The following NSUN3 variants were observed in gnomAD, a reference collection of about 807,000 sequenced individuals.
NSUN3 encodes the protein NOP2/Sun RNA methyltransferase 3, also known as tRNA (cytosine(34)-C(5))-methyltransferase, mitochondrial.
NSUN3 carries 24 observed loss-of-function variants against 36.8 expected under a neutral mutation model. The observed-to-expected ratio is 0.65, with a 90% CI of 0.47 to 0.92. NSUN3 has a LOEUF of 0.92. Among genes scored for constraint, NSUN3 ranks in the 40% least tolerant of loss-of-function variants. NSUN3 has a pLI of 0.00. For synonymous variants in NSUN3, 146 were observed against 145.2 expected (o/e 1.01, Z -0.04); for missense variants, 381 against 392.8 (o/e 0.97, Z 0.25).
intron 3 of NSUN3, among the ~76,000 whole-genome samples, chr3:94,088,093 C>G (rs886141951): frequency 6.6e-6 from 1 of 152,164 alleles, no homozygotes; most frequent in South Asian, 2.1e-4. Context: ...ACAGGTGTCT[C>G]TTTTTCCTTT....
chr3:94,093,318 C>CATACATATACATATATGT (rs2077324086), intron 3 of NSUN3, among the ~76,000 whole-genome samples: 1 of 146,592 alleles, frequency 6.8e-6, no homozygotes, highest in Non-Finnish European at 1.5e-5. Flanking sequence ...TACATATACA[C>CATACATATACATATATGT]ATACATATAC....
In NSUN3 at chr3:94,064,428, T is replaced by C. The variant is rs184570605; in HGVS notation, c.13-9T>C. On this transcript the variant is annotated splice_polypyrimidine_tract_variant and intron_variant, in intron 1 of 5. Coordinates refer to ENST00000314622, the MANE Select transcript of NSUN3 (RefSeq NM_022072.5). ...ACTGTGTGTCAGCAACTTTTTCTTA[T>C]CGTCATAGCTGAAAGCAAAATCAGA... The C allele has an allele frequency of 5.1e-6, 8 of 1,579,746 alleles. No homozygotes were observed. In the African/African-American group the frequency reaches 1.1e-4, roughly 21 times the overall value.
chr3:94,064,177 C>A, intron 1 of NSUN3: 1 of 430,334 alleles, frequency 2.3e-6, no homozygotes, highest in Non-Finnish European at 4.2e-6. Context: ...TAATTTTGTT[C>A]CTTTTGACAG....
chr3:94,083,795 G>A (rs546477227), intron 2 of NSUN3, among the ~76,000 whole-genome samples: 3 of 152,232 alleles, frequency 2.0e-5, no homozygotes, highest in African/African-American at 7.2e-5. Context: ...AATGGCCTTA[G>A]GTTCCTTGTC....
chr3:94,070,717 C>G (rs963228294), intron 2 of NSUN3, among the ~76,000 whole-genome samples: 2 of 152,162 alleles, frequency 1.3e-5, no homozygotes, highest in Non-Finnish European at 2.9e-5. Flanking sequence ...GGCACACTTG[C>G]ACCATTCTGG....
rs2077244531 is a variant in NSUN3, at chr3:94,076,096, T to A, written c.123-8011T>A. ...CACCATGAATAAACAACAACTCTGG[T>A]GACCCGTCTTCTGCATCTTCTGGGG... On this transcript the variant is annotated intron_variant, in intron 2 of 5. Transcript: ENST00000314622. The A allele has an allele frequency of 4.4e-5, 67 of 1,507,258 alleles. 2 individuals are homozygous for A. In the South Asian group the frequency reaches 7.1e-4, roughly 16 times the overall value. 93.4% of individuals were successfully genotyped at this position (1,507,258 alleles called of 1,614,324 possible).
chr3:94,117,564 C>T (rs1453279688), intron 5 of NSUN3, among the ~76,000 whole-genome samples: 1 of 152,106 alleles, frequency 6.6e-6, no homozygotes, highest in Non-Finnish European at 1.5e-5. Context: ...TTCCATGATA[C>T]ACTGAAAGAC....
chr3:94,076,297 T>C (rs2077245448), intron 2 of NSUN3: 1 of 874,054 alleles, frequency 1.1e-6, no homozygotes. Context: ...GCAACAGTCT[T>C]GTCAGCTGAT....
intron 5 of NSUN3, among the ~76,000 whole-genome samples, chr3:94,117,874 T>C (rs116549944): frequency 6.6e-6 from 1 of 152,300 alleles, no homozygotes; most frequent in African/African-American, 2.4e-5. Context: ...TATAGGAGGC[T>C]TCTGAAGGGA....
rs190734232 is a variant in NSUN3 at position 94,099,323 on chromosome 3, A to G, written c.743+4169A>G. On this transcript the variant is annotated intron_variant, in intron 5 of 5. Coordinates refer to ENST00000314622, the MANE Select transcript of NSUN3 (RefSeq NM_022072.5). ...AATCATTCACATGCATAAACCCCAG[A>G]TAGGCACCTTCTTATGTCCCAGCAA... Among the ~76,000 whole-genome samples, 22 of 152,280 alleles carry G rather than the reference A, an allele frequency of 1.4e-4. No homozygotes were observed. The East Asian group carries it at 4.2e-3, about 29-fold the overall frequency.
chr3:94,115,107 T>G (rs2077434353), intron 5 of NSUN3, among the ~76,000 whole-genome samples: 1 of 152,184 alleles, frequency 6.6e-6, no homozygotes, highest in Admixed American at 6.5e-5. Flanking sequence ...GACTGTAGTT[T>G]TCATACATTT....
At chr3:94,116,998 T>A (rs1216383871) in intron 5 of NSUN3, among the ~76,000 whole-genome samples, 1 of 143,774 alleles carries the variant, frequency 7.0e-6, no homozygotes, top group Non-Finnish European at 1.5e-5. Context: ...TTTTTTTTTT[T>A]TTTTTTTTTT....
intron 3 of NSUN3, 85 bp downstream of exon 3, chr3:94,084,535 G>A (rs950196576): frequency 1.9e-5 from 19 of 1,024,688 alleles, no homozygotes; most frequent in South Asian, 1.3e-4. Flanking sequence ...GGGGAGAAAC[G>A]TAAGACTGAG....
At position 94,076,248 on chromosome 3, in the gene NSUN3, G is replaced by A. The variant is rs117596554; in HGVS notation, c.123-7859G>A. 11,465 of 913,180 alleles carry A rather than the reference G, an allele frequency of 0.013. 980 individuals are homozygous for A. The Admixed American group carries it at 0.16, about 13-fold the overall frequency. 56.6% of individuals were successfully genotyped at this position (913,180 alleles called of 1,614,324 possible). On this transcript the variant is annotated intron_variant, in intron 2 of 5. Transcript: ENST00000314622. ...AATATTTCATCCATGTGACTCAGAG[G>A]AATGCAACATAAGTTTCAGATTTCT... is the stretch of plus-strand genomic sequence containing the variant.
intron 2 of NSUN3, among the ~76,000 whole-genome samples, chr3:94,068,933 A>G (rs1316237622): frequency 6.6e-6 from 1 of 152,198 alleles, no homozygotes; most frequent in Non-Finnish European, 1.5e-5. Context: ...CTTTACACAC[A>G]TTTTCAGCCT....
chr3:94,127,852 T>G lies in NSUN3; in HGVS notation c.*1362T>G, dbSNP rs528754998. 2.0e-5 allele frequency: 3 copies of G among 152,258 alleles called. No homozygotes were observed. Among genetic ancestry groups the G allele is most frequent in the East Asian group, 3.9e-4 (2 of 5,186 alleles). The allele number at this position is 152,258 out of a possible 1,614,324, so 9.4% of individuals were successfully genotyped here. A position where few individuals can be genotyped will look rare whatever the true frequency, so the allele number is the denominator to read the frequency against. On this transcript the variant is annotated 3_prime_UTR_variant, in exon 6 of 6. Transcript: ENST00000314622. ...CCCGGTTTATATCATCAGGAAGTCT[T>G]AGGAAGAATTTTTTTTTCTGTACCT...
chr3:94,099,024 GACTA>G (rs1416601315), intron 5 of NSUN3, among the ~76,000 whole-genome samples: 1 of 152,104 alleles, frequency 6.6e-6, no homozygotes, highest in Non-Finnish European at 1.5e-5. Flanking sequence ...ATGTAGAAAA[GACTA>G]AGTAATTGTT....
At position 94,094,127 on chromosome 3, in the gene NSUN3, C is replaced by A; in HGVS notation, c.467-13C>A. On this transcript the variant is annotated splice_polypyrimidine_tract_variant and intron_variant, in intron 3 of 5. Coordinates refer to ENST00000314622, the MANE Select transcript of NSUN3 (RefSeq NM_022072.5). ...TTGCCTTCATTTGAAACTTTTTAAT[C>A]CTTTTTATTTAGGTTATCTTCATTG... 1 of 1,553,160 alleles carries A rather than the reference C, an allele frequency of 6.4e-7. No individual in the cohort carries two copies. Among genetic ancestry groups the A allele is most frequent in the Non-Finnish European group, 8.7e-7 (1 of 1,153,292 alleles).
chr3:94,119,197 A>C (rs1278033644), intron 5 of NSUN3, among the ~76,000 whole-genome samples: 1 of 152,196 alleles, frequency 6.6e-6, no homozygotes, highest in African/African-American at 2.4e-5. Flanking sequence ...ATTTTTGCTT[A>C]GTATATTGTA....
Sources: gnomAD v4.1 joint callset for allele counts (sites outside exome capture counted in the v4.1 genomes callset) on GRCh38, gnomAD v4.1.1 for gene constraint, MANE v1.5 for transcripts, NCBI Gene and HGNC (gene_info 2026-07-23, HGNC 2026-07-21) for gene names.